PRPF38A: variants seen among roughly 807,000 people sequenced by gnomAD.
PRPF38A encodes the protein pre-mRNA processing factor 38A, also known as pre-mRNA-splicing factor 38A.
In PRPF38A, 11 loss-of-function variants were observed where a neutral mutation model predicts 46.8. The ratio of observed to expected loss-of-function variants is 0.24; its 90% CI spans 0.15 to 0.39. The LOEUF is 0.39. Among genes scored for constraint, PRPF38A ranks in the 10% least tolerant of loss-of-function variants. PRPF38A has a pLI of 1.00. For missense variants in PRPF38A, 261 were observed against 407.5 expected (o/e 0.64, Z 3.10); for synonymous variants, 124 against 136.2 (o/e 0.91, Z 0.62).
In PRPF38A at chr1:52,413,902, T is replaced by G; in HGVS notation, c.633T>G (p.Asp211Glu). ...DEKLERVPSP[D>E]HRRRSYRDLD... ...AGTTGGAAAGAGTGCCATCACCTGA[T>G]CACCGCCGGAGAAGCTACCGAGACT... Residue 211 changes from aspartate (D) to glutamate (E), a missense_variant, in exon 6 of 10, where the codon GAT (aspartate) becomes GAG (glutamate). Physicochemically the swap from Asp to Glu is conservative, Grantham distance 45 (BLOSUM62 2). Around this residue, in one of 2 missense-constraint regions of PRPF38A, gnomAD observed 180 missense variants for 221.0 expected, o/e 0.81. Transcript: ENST00000257181. 1 of 1,613,638 alleles carries G rather than the reference T, an allele frequency of 6.2e-7. No individual in the cohort carries two copies. Among genetic ancestry groups the G allele is most frequent in the Non-Finnish European group, 8.5e-7 (1 of 1,179,740 alleles).
chr1:52,410,708 G>A (rs2147956849), intron 3 of PRPF38A, among the ~76,000 whole-genome samples: 1 of 152,154 alleles, frequency 6.6e-6, no homozygotes, highest in South Asian at 2.1e-4. Flanking sequence ...CGCCATGTTG[G>A]CCAGGCCTGT....
At chr1:52,408,039 G>A (rs1401718699) in intron 2 of PRPF38A, among the ~76,000 whole-genome samples, 1 of 152,196 alleles carries the variant, frequency 6.6e-6, no homozygotes, top group Non-Finnish European at 1.5e-5. Flanking sequence ...CTGGGCAACA[G>A]AGCAAGATTC....
At chr1:52,415,497 A>G in intron 9 of PRPF38A, 111 bp downstream of exon 9, 2 of 867,980 alleles carry the variant, frequency 2.3e-6, no homozygotes, top group South Asian at 1.5e-5. Context: ...CCTGCATTAC[A>G]AGACAAAATT....
At position 52,417,216 on chromosome 1, in the gene PRPF38A, G is replaced by C. The variant is rs886933164; in HGVS notation, c.*526G>C. 6.4e-6 allele frequency: 1 copy of C among 157,022 alleles called. No homozygotes were observed. The highest frequency in any genetic ancestry group is 1.4e-5 in the Non-Finnish European group (1 of 70,586). 9.7% of individuals were successfully genotyped at this position (157,022 alleles called of 1,614,324 possible). ...TTGAAAGAATAGAATGCATTCAAAT[G>C]TAAGGCTGCTTCTGGATCATTAAAG... is the stretch of plus-strand genomic sequence containing the variant. On this transcript the variant is annotated 3_prime_UTR_variant, in exon 10 of 10. Transcript: ENST00000257181.
intron 3 of PRPF38A, among the ~76,000 whole-genome samples, chr1:52,409,282 C>G (rs762294963): frequency 6.6e-6 from 1 of 152,186 alleles, no homozygotes; most frequent in Non-Finnish European, 1.5e-5. Context: ...GAACATTTAC[C>G]TTTCCCCCTA....
At chr1:52,407,092 A>T (rs1332779036) in intron 2 of PRPF38A, among the ~76,000 whole-genome samples, 1 of 152,174 alleles carries the variant, frequency 6.6e-6, no homozygotes, top group Non-Finnish European at 1.5e-5. Flanking sequence ...GTCTCGGCTC[A>T]CTGCAAGCTC....
Position 52,420,743 on chromosome 1 carries a change from CTGA to C in PRPF38A, c.*4057_*4059del, listed in dbSNP as rs1648437720. ...TTCACCAGATAGTACTTCTTTCTGG[CTGA>C]TGAACTTTTGAATGATTTTTAAACT... On this transcript the variant is annotated 3_prime_UTR_variant, in exon 10 of 10. Coordinates refer to ENST00000257181, the MANE Select transcript of PRPF38A (RefSeq NM_032864.4). 1 of 152,168 alleles carries C rather than the reference CTGA, an allele frequency of 6.6e-6. No individual in the cohort carries two copies. Among genetic ancestry groups the C allele is most frequent in the Admixed American group, 6.5e-5 (1 of 15,274 alleles). 9.4% of individuals were successfully genotyped at this position (152,168 alleles called of 1,614,324 possible). A position where few individuals can be genotyped will look rare whatever the true frequency, so the allele number is the denominator to read the frequency against.
chr1:52,413,917 C>T lies in PRPF38A; in HGVS notation c.648C>T (p.Ser216=), dbSNP rs769900302. 1.2e-6 allele frequency: 2 copies of T among 1,614,020 alleles called. No homozygotes were observed. Among genetic ancestry groups the T allele is most frequent in the South Asian group, 1.1e-5 (1 of 91,080 alleles). ...CATCACCTGATCACCGCCGGAGAAGCTACCGAGACTTGGACAAGCCCCGTC... is the reference window on the plus strand; with the variant it reads ...CATCACCTGATCACCGCCGGAGAAGTTACCGAGACTTGGACAAGCCCCGTC... ...RVPSPDHRRR[S]YRDLDKPRRS... is the part of the protein sequence containing the mutation. Residue 216 remains serine (S), a synonymous_variant, in exon 6 of 10, where the codon AGC becomes AGT. Coordinates refer to ENST00000257181, the MANE Select transcript of PRPF38A (RefSeq NM_032864.4).
chr1:52,413,951 A>G lies in PRPF38A; in HGVS notation c.682A>G (p.Thr228Ala), dbSNP rs201601511. Residue 228 changes from threonine to alanine, a missense_variant, in exon 6 of 10, where the codon ACA becomes GCA. Thr to Ala is a moderately conservative substitution (Grantham distance 58). Around this residue, in one of 2 missense-constraint regions of PRPF38A, gnomAD observed 180 missense variants for 221.0 expected, o/e 0.81. Coordinates refer to ENST00000257181, the MANE Select transcript of PRPF38A (RefSeq NM_032864.4). ...RDLDKPRRSP[T>A]LRYRRSRSRS... ...CTTGGACAAGCCCCGTCGCTCTCCC[A>G]CACTGCGCTACAGGAGGAGTAGGAG... The G allele has an allele frequency of 3.2e-4, 516 of 1,613,964 alleles. 1 individual carries two copies. The highest frequency in any genetic ancestry group is 8.3e-5 in the Admixed American group (5 of 60,018).
At chr1:52,415,705 G>A (rs996369784) in intron 9 of PRPF38A, among the ~76,000 whole-genome samples, 4 of 151,932 alleles carry the variant, frequency 2.6e-5, no homozygotes, top group African/African-American at 9.7e-5. Flanking sequence ...ATGAGCTTTG[G>A]TCTCAGAAAA....
At chr1:52,414,092 T>C in intron 6 of PRPF38A, 101 bp downstream of exon 6, 1 of 713,592 alleles carries the variant, frequency 1.4e-6, no homozygotes, top group Non-Finnish European at 2.4e-6. Flanking sequence ...GGAGAATGTT[T>C]GCCCAATATA....
chr1:52,410,052 TAC>T (rs148167923), intron 3 of PRPF38A, among the ~76,000 whole-genome samples: 8 of 150,092 alleles, frequency 5.3e-5, no homozygotes, highest in African/African-American at 2.0e-4. Context: ...TATGTGTATA[TAC>T]ACACACATAT....
chr1:52,407,497 T>G (rs1013605928), intron 2 of PRPF38A, among the ~76,000 whole-genome samples: 7 of 152,254 alleles, frequency 4.6e-5, no homozygotes, highest in African/African-American at 1.7e-4. Context: ...TGACCAGTAG[T>G]GTCACAGACT....
chr1:52,413,646 C>G (rs1648210688), intron 5 of PRPF38A, among the ~76,000 whole-genome samples: 1 of 152,136 alleles, frequency 6.6e-6, no homozygotes, highest in Admixed American at 6.5e-5. Flanking sequence ...TACACACACA[C>G]AGGTCTGTTT....
rs544190409 is a variant in PRPF38A, at chr1:52,404,700, A to T, written c.-50A>T. On this transcript the variant is annotated 5_prime_UTR_variant, in exon 1 of 10. The change abolishes an upstream ATG in the 5' untranslated region. Transcript: ENST00000257181. ...CTCTAGGTGCTTTTTCTGAACCTGGATGTGAGGCATTAAAGGATCCGACGG... is the reference window on the plus strand; with the variant it reads ...CTCTAGGTGCTTTTTCTGAACCTGGTTGTGAGGCATTAAAGGATCCGACGG... 2 of 1,591,932 alleles carry T rather than the reference A, an allele frequency of 1.3e-6. No individual in the cohort carries two copies. Among genetic ancestry groups the T allele is most frequent in the South Asian group, 2.3e-5 (2 of 88,080 alleles).
chr1:52,408,720 C>T (rs775003456), intron 3 of PRPF38A, 30 bp downstream of exon 3: 1 of 1,609,128 alleles, frequency 6.2e-7, no homozygotes, highest in Non-Finnish European at 8.5e-7. Context: ...TCCTGATTGT[C>T]ATTTTTAAGC....
At chr1:52,406,484 G>A (rs1342041570) in intron 2 of PRPF38A, among the ~76,000 whole-genome samples, 1 of 152,200 alleles carries the variant, frequency 6.6e-6, no homozygotes, top group Non-Finnish European at 1.5e-5. Flanking sequence ...GTTAAGAGGT[G>A]TAAGATCTGG....
rs1648236407 is a variant in PRPF38A at position 52,414,547 on chromosome 1, G to T, written c.723-74G>T. The stretch of plus-strand genomic sequence containing the variant: ...TGATACAGAGAAGCGTGAAGGATAA[G>T]ATTGGGGCCGTTTTTGCAATCTACC... On this transcript the variant is annotated intron_variant, in intron 6 of 9. Coordinates refer to ENST00000257181, the MANE Select transcript of PRPF38A (RefSeq NM_032864.4). The T allele has an allele frequency of 3.3e-6, 5 of 1,516,212 alleles. No individual in the cohort carries two copies. The East Asian group carries it at 1.1e-4, about 34-fold the overall frequency. The allele number at this position is 1,516,212 out of a possible 1,614,324, so 93.9% of individuals were successfully genotyped here. A position where few individuals can be genotyped will look rare whatever the true frequency, so the allele number is the denominator to read the frequency against.
At chr1:52,408,923 T>C (rs1648073508) in intron 3 of PRPF38A, 4 of 410,016 alleles carry the variant, frequency 9.8e-6, no homozygotes, top group African/African-American at 2.0e-5. Context: ...GTGCATCTTA[T>C]GTTAATCCCT....
Sources: allele counts gnomAD v4.1 joint callset (sites outside exome capture counted in the v4.1 genomes callset), GRCh38; gene constraint gnomAD v4.1.1; regional missense constraint gnomAD v4.1.1; transcripts MANE v1.5; gene names NCBI Gene and HGNC (gene_info 2026-07-23, HGNC 2026-07-21).